The following MAP4K4 variants were observed in gnomAD, a reference collection of about 807,000 sequenced individuals.
MAP4K4 encodes the protein HPK/GCK-like kinase HGK.
A neutral mutation model predicts 189.6 loss-of-function variants in MAP4K4; 38 were observed. That is an observed-to-expected ratio of 0.20 (90% CI 0.15 to 0.26). MAP4K4 has a LOEUF of 0.26. Among genes scored for constraint, MAP4K4 ranks in the 10% least tolerant of loss-of-function variants. The probability of loss-of-function intolerance (pLI) is 1.00; values close to 1 mark genes in which losing one functional copy is unlikely to be tolerated. For synonymous variants in MAP4K4, 610 were observed against 624.3 expected (o/e 0.98, Z 0.34); for missense variants, 1,054 against 1,726.9 (o/e 0.61, Z 6.91).
At chr2:101,826,156 C>A (rs568000142) in intron 5 of MAP4K4, among the ~76,000 whole-genome samples, 19 of 151,940 alleles carry the variant, frequency 1.3e-4, no homozygotes, top group Non-Finnish European at 2.5e-4. Context: ...CATTTACCTA[C>A]CACATTTAAA....
intron 26 of MAP4K4, 69 bp downstream of exon 26, chr2:101,874,321 T>C: frequency 4.3e-6 from 6 of 1,392,284 alleles, no homozygotes. Context: ...TCTAGAGAAG[T>C]ACTGCATTGA....
At chr2:101,838,855 A>G (rs13429394) in intron 9 of MAP4K4, among the ~76,000 whole-genome samples, 3,031 of 152,300 alleles carry the variant, frequency 0.02, 103 homozygotes, top group African/African-American at 0.068. Flanking sequence ...TAAAGACCGA[A>G]GAATACCTCA....
At chr2:101,799,237 G>T (rs199904995) in intron 3 of MAP4K4, among the ~76,000 whole-genome samples, 4 of 152,264 alleles carry the variant, frequency 2.6e-5, no homozygotes. Context: ...ATGGAATAAT[G>T]CCTACTTCAG....
At chr2:101,790,594 T>C in intron 2 of MAP4K4, 126 bp from the exon 3 acceptor site, 1 of 691,596 alleles carries the variant, frequency 1.4e-6, no homozygotes, top group Middle Eastern at 2.4e-4. Flanking sequence ...TATTTCGTCA[T>C]CACTTTTGGT....
At chr2:101,864,444 G>A (rs1246390162) in intron 17 of MAP4K4, among the ~76,000 whole-genome samples, 2 of 152,094 alleles carry the variant, frequency 1.3e-5, no homozygotes, top group East Asian at 1.9e-4. Context: ...TTTAAATGTA[G>A]GGGATTTTGT....
chr2:101,741,574 C>T (rs539254916), intron 2 of MAP4K4, among the ~76,000 whole-genome samples: 4 of 152,198 alleles, frequency 2.6e-5, no homozygotes, highest in South Asian at 4.1e-4. Context: ...TACCCACCCC[C>T]GCTCCAGCCC....
chr2:101,736,392 G>A (rs1172438339), intron 2 of MAP4K4, among the ~76,000 whole-genome samples: 2 of 152,138 alleles, frequency 1.3e-5, no homozygotes, highest in African/African-American at 4.8e-5. Flanking sequence ...AGGCACTTCT[G>A]TATGCCTCTC....
Position 101,870,539 on chromosome 2 carries a change from G to C in MAP4K4, c.2760+124G>C. On this transcript the variant is annotated intron_variant, in intron 23 of 32. Coordinates refer to ENST00000324219, the Ensembl canonical transcript of MAP4K4. ...GTTTTCATGTTAACAAGTCCCAGAGGGTCAAGTGTCGAGTGTCGGGGGCTA... is the reference window on the plus strand; with the variant it reads ...GTTTTCATGTTAACAAGTCCCAGAGCGTCAAGTGTCGAGTGTCGGGGGCTA... 4 of 1,375,412 alleles carry C rather than the reference G, an allele frequency of 2.9e-6. No individual in the cohort carries two copies. In the South Asian group the frequency reaches 5.6e-5, roughly 19 times the overall value. The allele number at this position is 1,375,412 out of a possible 1,614,324, so 85.2% of individuals were successfully genotyped here. A position where few individuals can be genotyped will look rare whatever the true frequency, so the allele number is the denominator to read the frequency against.
intron 28 of MAP4K4, among the ~76,000 whole-genome samples, chr2:101,883,859 C>A (rs994690197): frequency 1.3e-5 from 2 of 152,200 alleles, no homozygotes; most frequent in Middle Eastern, 3.4e-3. Context: ...GTATCTCTGA[C>A]AGTTCTAATG....
intron 7 of MAP4K4, among the ~76,000 whole-genome samples, chr2:101,833,532 A>G (rs1390257913): frequency 6.6e-6 from 1 of 151,778 alleles, no homozygotes. Flanking sequence ...AGGCAGGAGA[A>G]TGGCGTGAAC....
At chr2:101,780,151 A>C (rs1310413521) in intron 2 of MAP4K4, among the ~76,000 whole-genome samples, 1 of 152,190 alleles carries the variant, frequency 6.6e-6, no homozygotes, top group Non-Finnish European at 1.5e-5. Flanking sequence ...TGAAGTGCTG[A>C]GAAAGAAGTT....
At chr2:101,801,683 C>T (rs527810455) in intron 3 of MAP4K4, among the ~76,000 whole-genome samples, 1 of 152,332 alleles carries the variant, frequency 6.6e-6, no homozygotes, top group African/African-American at 2.4e-5. Flanking sequence ...AAAGGCCAAC[C>T]TTGTAAGCTG....
At position 101,744,752 on chromosome 2, in the gene MAP4K4, G is replaced by T. The variant is rs552194421; in HGVS notation, c.124-45968G>T. Among the ~76,000 whole-genome samples, 14 of 152,256 alleles carry T rather than the reference G, an allele frequency of 9.2e-5. No individual in the cohort carries two copies. The Middle Eastern group carries it at 0.014, about 148-fold the overall frequency. ...ATTTTCTGGCCAACTGTTCTTTGCTGATCTGTTCATCCTAAGAACAAAATT... is the reference window on the plus strand; with the variant it reads ...ATTTTCTGGCCAACTGTTCTTTGCTTATCTGTTCATCCTAAGAACAAAATT... On this transcript the variant is annotated intron_variant, in intron 2 of 32. Transcript: ENST00000324219.
intron 3 of MAP4K4, among the ~76,000 whole-genome samples, chr2:101,820,717 G>A (rs1576226951): frequency 6.6e-6 from 1 of 152,302 alleles, no homozygotes; most frequent in East Asian, 1.9e-4. Flanking sequence ...CCTCACTAGG[G>A]CTGTCCCAGG....
At chr2:101,731,831 C>G (rs964008722) in intron 2 of MAP4K4, among the ~76,000 whole-genome samples, 1 of 151,730 alleles carries the variant, frequency 6.6e-6, no homozygotes, top group Non-Finnish European at 1.5e-5. Context: ...AATAATGCAC[C>G]CTGTTCCTGT....
intron 2 of MAP4K4, among the ~76,000 whole-genome samples, chr2:101,754,766 A>G (rs2071400740): frequency 6.6e-6 from 1 of 152,238 alleles, no homozygotes; most frequent in African/African-American, 2.4e-5. Flanking sequence ...AATAAAAGAA[A>G]TGCCAACTCC....
chr2:101,824,139 G>T lies in MAP4K4; in HGVS notation c.306+86G>T, dbSNP rs573392559. 12 of 763,726 alleles carry T rather than the reference G, an allele frequency of 1.6e-5. No individual in the cohort carries two copies. The Middle Eastern group carries it at 1.5e-3, about 96-fold the overall frequency. 47.3% of individuals were successfully genotyped at this position (763,726 alleles called of 1,614,324 possible). A position where few individuals can be genotyped will look rare whatever the true frequency, so the allele number is the denominator to read the frequency against. ...GCGGGGGTGGGGGCGGGGGAAAGAG[G>T]GGGGGAAGAAAAACAATAAAGAGGG... On this transcript the variant is annotated intron_variant, in intron 4 of 32. Coordinates refer to ENST00000324219, the Ensembl canonical transcript of MAP4K4.
chr2:101,813,185 A>G (rs2095534437), intron 3 of MAP4K4, among the ~76,000 whole-genome samples: 1 of 152,238 alleles, frequency 6.6e-6, no homozygotes, highest in South Asian at 2.1e-4. Context: ...ATGAAGTTAG[A>G]GGTTTATGTA....
intron 8 of MAP4K4, 95 bp downstream of exon 8, chr2:101,834,558 G>C (rs1487966534): frequency 9.6e-6 from 9 of 939,136 alleles, no homozygotes; most frequent in Non-Finnish European, 1.3e-5. Flanking sequence ...CATGGATAAA[G>C]GCATTTCTGG....
Sources: gnomAD v4.1 joint callset for allele counts (sites outside exome capture counted in the v4.1 genomes callset) on GRCh38, gnomAD v4.1.1 for gene constraint, MANE v1.5 for transcripts, NCBI Gene and HGNC (gene_info 2026-07-23, HGNC 2026-07-21) for gene names.